ADARB2: variants seen among roughly 807,000 people sequenced by gnomAD.
ADARB2 encodes adenosine deaminase RNA specific B2 (inactive).
ADARB2 carries 25 observed loss-of-function variants against 62.2 expected under a neutral mutation model. That is an observed-to-expected ratio of 0.40 (90% CI 0.29 to 0.56). The LOEUF (loss-of-function observed/expected upper bound fraction) is 0.56. ADARB2 is among the 20% of genes least tolerant of loss of function. The pLI is 0.43. For missense variants in ADARB2, 1,071 were observed against 1,077.4 expected (o/e 0.99, Z 0.08); for synonymous variants, 572 against 500.8 (o/e 1.14, Z -1.90).
At position 1,668,873 on chromosome 10, in the gene ADARB2, C is replaced by T. The variant is rs191160070; in HGVS notation, c.100+68178G>A. On this transcript the variant is annotated intron_variant, in intron 1 of 9. Coordinates refer to ENST00000381312, the MANE Select transcript of ADARB2 (RefSeq NM_018702.4). ...GCTGCTTCTGTTACATCCAGGAGGA[C>T]CATCTTCTGTGAGCTCCTGGTGGCA... Among the ~76,000 whole-genome samples the T allele has an allele frequency of 3.4e-3, 515 of 152,292 alleles. 4 individuals carry two copies. The highest frequency in any genetic ancestry group is 0.012 in the African/African-American group (487 of 41,568).
At chr10:1,309,950 C>T (rs777406388) in intron 3 of ADARB2, among the ~76,000 whole-genome samples, 9 of 152,236 alleles carry the variant, frequency 5.9e-5, no homozygotes, top group East Asian at 3.9e-4. Context: ...CTGGAATCTC[C>T]GTCTTCAGCG....
chr10:1,587,216 A>C (rs531676972), intron 1 of ADARB2, among the ~76,000 whole-genome samples: 35 of 152,300 alleles, frequency 2.3e-4, no homozygotes, highest in African/African-American at 8.4e-4. Flanking sequence ...TCAAAAACAA[A>C]ACAACAAAAC....
At chr10:1,731,337 A>T (rs1362856490) in intron 1 of ADARB2, among the ~76,000 whole-genome samples, 2 of 152,196 alleles carry the variant, frequency 1.3e-5, no homozygotes, top group East Asian at 3.8e-4. Context: ...GAGTAAATAA[A>T]AGCCCAATTT....
chr10:1,626,950 A>G (rs1384948727), intron 1 of ADARB2, among the ~76,000 whole-genome samples: 1 of 151,780 alleles, frequency 6.6e-6, no homozygotes, highest in East Asian at 1.9e-4. Flanking sequence ...TCCTCCTAAG[A>G]ATCCCTCTCT....
At chr10:1,394,993 C>T in intron 1 of ADARB2, 2 of 454,404 alleles carry the variant, frequency 4.4e-6, no homozygotes, top group South Asian at 3.1e-5. Flanking sequence ...AATCACAGCT[C>T]CCTGCAGCCT....
intron 1 of ADARB2, among the ~76,000 whole-genome samples, chr10:1,542,936 C>G (rs1832457084): frequency 6.6e-6 from 1 of 152,204 alleles, no homozygotes; most frequent in African/African-American, 2.4e-5. Context: ...CACAGCCGTC[C>G]AGACCCCACT....
At chr10:1,550,211 A>G (rs11250616) in intron 1 of ADARB2, among the ~76,000 whole-genome samples, 51,472 of 152,012 alleles carry the variant, frequency 0.34, 9,231 homozygotes, top group Non-Finnish European at 0.4. Flanking sequence ...CGGAAAACAC[A>G]CAACTACATT....
At chr10:1,461,736 A>G (rs891670839) in intron 1 of ADARB2, among the ~76,000 whole-genome samples, 13 of 151,996 alleles carry the variant, frequency 8.6e-5, no homozygotes, top group Non-Finnish European at 1.0e-4. Context: ...GCAGTGGTTC[A>G]TGCCTGAAAT....
intron 3 of ADARB2, among the ~76,000 whole-genome samples, chr10:1,293,226 CGGGG>C (rs200068826): frequency 2.2e-3 from 137 of 60,980 alleles, no homozygotes; most frequent in African/African-American, 7.5e-3. Context: ...GAGAGAGGGA[CGGGG>C]AGGGAGAGAG....
rs372235628 is a variant in ADARB2, at chr10:1,413,935, G to C, written c.101-34775C>G. On this transcript the variant is annotated intron_variant, in intron 1 of 9. Coordinates refer to ENST00000381312, the MANE Select transcript of ADARB2 (RefSeq NM_018702.4). ...AAGAAATCCTTGTCTTGCAATTGCA[G>C]GTCTCACGGTGATGTCCTCTCAGTG... 1.9e-4 allele frequency among the ~76,000 whole-genome samples: 29 copies of C among 152,334 alleles called. No individual in the cohort carries two copies. The South Asian group carries it at 5.8e-3, about 30-fold the overall frequency.
chr10:1,282,371 C>T (rs910018983), intron 3 of ADARB2, among the ~76,000 whole-genome samples: 1 of 152,208 alleles, frequency 6.6e-6, no homozygotes, highest in African/African-American at 2.4e-5. Context: ...GGTCTCTCCA[C>T]AGAACTGTGT....
chr10:1,283,134 C>T (rs1405150665), intron 3 of ADARB2, among the ~76,000 whole-genome samples: 5 of 152,194 alleles, frequency 3.3e-5, no homozygotes, highest in Non-Finnish European at 7.3e-5. Flanking sequence ...CCCTTGGTGT[C>T]TTACAGCACT....
intron 1 of ADARB2, among the ~76,000 whole-genome samples, chr10:1,633,555 T>TCTATCTAA (rs1212195484): frequency 2.2e-4 from 23 of 106,744 alleles, no homozygotes; most frequent in African/African-American, 8.0e-4. Context: ...CTATCATCTA[T>TCTATCTAA]CTATCTATCT....
At chr10:1,437,070 C>T (rs1311082474) in intron 1 of ADARB2, among the ~76,000 whole-genome samples, 2 of 152,120 alleles carry the variant, frequency 1.3e-5, no homozygotes, top group East Asian at 1.9e-4. Flanking sequence ...ATTTAAAAAG[C>T]ATTTTTAACA....
chr10:1,539,861 A>G (rs1832388954), intron 1 of ADARB2, among the ~76,000 whole-genome samples: 1 of 152,188 alleles, frequency 6.6e-6, no homozygotes, highest in South Asian at 2.1e-4. Flanking sequence ...ACATTATACA[A>G]TTTTTGACAC....
At chr10:1,193,922 A>G (rs1836874732) in intron 8 of ADARB2, among the ~76,000 whole-genome samples, 1 of 152,138 alleles carries the variant, frequency 6.6e-6, no homozygotes, top group South Asian at 2.1e-4. Flanking sequence ...AAAAAAAGTT[A>G]TTCTTGGGGT....
intron 1 of ADARB2, among the ~76,000 whole-genome samples, chr10:1,476,875 T>C (rs1429583166): frequency 1.3e-5 from 2 of 152,122 alleles, no homozygotes; most frequent in East Asian, 3.9e-4. Context: ...GAACCCAGCC[T>C]GGGTGCCACA....
intron 1 of ADARB2, among the ~76,000 whole-genome samples, chr10:1,672,682 A>G (rs74941454): frequency 0.056 from 3,604 of 64,776 alleles, 12 homozygotes; most frequent in South Asian, 0.086. Flanking sequence ...CCACGCACGC[A>G]CTTCCCTTTC....
intron 1 of ADARB2, among the ~76,000 whole-genome samples, chr10:1,625,297 G>A (rs1833753007): frequency 6.6e-6 from 1 of 152,216 alleles, no homozygotes; most frequent in Admixed American, 6.5e-5. Flanking sequence ...TCCTTTAAGG[G>A]AAAATACCCC....
Sources: allele counts gnomAD v4.1 joint callset (sites outside exome capture counted in the v4.1 genomes callset), GRCh38; gene constraint gnomAD v4.1.1; transcripts MANE v1.5; gene names NCBI Gene and HGNC (gene_info 2026-07-23, HGNC 2026-07-21).